The following TXNRD2 variants were observed in gnomAD, a reference collection of about 807,000 sequenced individuals.
The protein encoded by TXNRD2 is thioredoxin reductase 2, mitochondrial.
TXNRD2 carries 67 observed loss-of-function variants against 70.8 expected under a neutral mutation model. The observed-to-expected ratio is 0.95, with a 90% CI of 0.78 to 1.16. TXNRD2 has a LOEUF of 1.16. TXNRD2 is among the 50% of genes most tolerant of loss of function. TXNRD2 has a pLI of 0.00. For synonymous variants in TXNRD2, 301 were observed against 295.8 expected, an observed-to-expected ratio of 1.02 and a Z score of -0.18; for missense variants, 644 against 719.9, an observed-to-expected ratio of 0.89 and a Z score of 1.21.
intron 8 of TXNRD2, among the ~76,000 whole-genome samples, chr22:19,907,329 T>G (rs1940092014): frequency 3.5e-5 from 1 of 28,186 alleles, no homozygotes; most frequent in Non-Finnish European, 6.9e-5. Flanking sequence ...CAGGAGAGTG[T>G]GGGCACCGTA....
intron 10 of TXNRD2, among the ~76,000 whole-genome samples, chr22:19,896,122 ACT>A (rs1939495179): frequency 6.6e-6 from 1 of 152,034 alleles, no homozygotes; most frequent in East Asian, 1.9e-4. Context: ...ACGGTGAAAC[ACT>A]GTCTCTACTA....
chr22:19,903,872 C>T (rs9605027), intron 8 of TXNRD2, among the ~76,000 whole-genome samples: 44,931 of 152,146 alleles, frequency 0.3, 7,294 homozygotes, highest in East Asian at 0.65. Context: ...CGTGCCCCTC[C>T]GCACCCCTGC....
chr22:19,938,907 T>C (rs1941613689), intron 1 of TXNRD2, among the ~76,000 whole-genome samples: 1 of 152,216 alleles, frequency 6.6e-6, no homozygotes, highest in African/African-American at 2.4e-5. Flanking sequence ...ATATTTAGCA[T>C]TGTTTAAGCT....
At chr22:19,909,481 G>A (rs1433341975) in intron 8 of TXNRD2, among the ~76,000 whole-genome samples, 1 of 150,516 alleles carries the variant, frequency 6.6e-6, no homozygotes, top group Non-Finnish European at 1.5e-5. Flanking sequence ...ATGACAAGCA[G>A]AGCATGTGAC....
chr22:19,912,410 G>A (rs1346189533), intron 7 of TXNRD2, among the ~76,000 whole-genome samples: 2 of 152,012 alleles, frequency 1.3e-5, no homozygotes, highest in Non-Finnish European at 1.5e-5. Flanking sequence ...AGGACCAGGA[G>A]CGCCTGCTGG....
intron 2 of TXNRD2, among the ~76,000 whole-genome samples, chr22:19,923,688 G>A (rs1941004664): frequency 6.6e-6 from 1 of 152,006 alleles, no homozygotes; most frequent in African/African-American, 2.4e-5. Context: ...TGTAATCCCA[G>A]CTACTCGGGA....
At chr22:19,913,042 AC>A (rs1358159179) in intron 7 of TXNRD2, among the ~76,000 whole-genome samples, 1 of 151,922 alleles carries the variant, frequency 6.6e-6, no homozygotes, top group East Asian at 1.9e-4. Context: ...TCCCTGGGAG[AC>A]CCGTGGGGAC....
intron 13 of TXNRD2, 146 bp downstream of exon 13, chr22:19,880,476 G>A (rs1938717309): frequency 2.3e-6 from 2 of 885,976 alleles, no homozygotes; most frequent in Non-Finnish European, 3.7e-6. Flanking sequence ...ACACACGTGT[G>A]TACAACACAC....
chr22:19,899,211 G>A (rs1267216602), intron 8 of TXNRD2, 143 bp from the exon 9 acceptor site: 1 of 1,064,222 alleles, frequency 9.4e-7, no homozygotes, highest in Non-Finnish European at 1.4e-6. Context: ...GCTTGCCCCA[G>A]GGGACAAAGC....
chr22:19,882,380 T>C (rs896713482), intron 12 of TXNRD2, among the ~76,000 whole-genome samples: 1 of 152,144 alleles, frequency 6.6e-6, no homozygotes, highest in East Asian at 1.9e-4. Context: ...TGTATTTTTT[T>C]AGTAGAGACG....
At chr22:19,931,927 A>G (rs1406941889) in intron 1 of TXNRD2, among the ~76,000 whole-genome samples, 1 of 151,988 alleles carries the variant, frequency 6.6e-6, no homozygotes. Flanking sequence ...TTTGGAGGCC[A>G]AGGCGGGTGG....
At chr22:19,931,237 C>T in intron 1 of TXNRD2, 139 bp from the exon 2 acceptor site, 1 of 787,116 alleles carries the variant, frequency 1.3e-6, no homozygotes, top group South Asian at 1.4e-5. Context: ...GAAAGAGTGA[C>T]TCGATACACA....
Position 19,941,725 on chromosome 22 carries a change from G to A in TXNRD2, c.79C>T (p.Arg27Trp). 1.3e-6 allele frequency: 2 copies of A among 1,486,492 alleles called. No individual in the cohort carries two copies. Among genetic ancestry groups the A allele is most frequent in the Admixed American group, 2.2e-5 (1 of 44,696 alleles). The allele number at this position is 1,486,492 out of a possible 1,614,324, so 92.1% of individuals were successfully genotyped here. A position where few individuals can be genotyped will look rare whatever the true frequency, so the allele number is the denominator to read the frequency against. Residue 27 changes from arginine (R) to tryptophan (W), a missense_variant, in exon 1 of 18, where the codon CGG becomes TGG. By Grantham distance (101) the Arg-to-Trp change is moderately radical (BLOSUM62 -3). This residue lies in a region of TXNRD2 where 71 missense variants were observed against 53.6 expected (regional missense o/e 1.33). Transcript: ENST00000400521. ...WRTQAVAGGV[R>W]GAARGAAAGQ... is the part of the protein sequence containing the mutation. ...CCTGCTGCGCCCCGCGCCGCGCCCCGCACCCCGCCCGCCACGGCCTGCGTC... is the reference window on the plus strand; with the variant it reads ...CCTGCTGCGCCCCGCGCCGCGCCCCACACCCCGCCCGCCACGGCCTGCGTC...
At chr22:19,878,315 T>G (rs1315792283) in intron 15 of TXNRD2, 51 bp downstream of exon 15, 2 of 1,607,632 alleles carry the variant, frequency 1.2e-6, no homozygotes, top group Non-Finnish European at 1.7e-6. Context: ...TGCCAGGCTC[T>G]TTGCCACCCT....
At chr22:19,920,603 A>G (rs5025330) in intron 2 of TXNRD2, among the ~76,000 whole-genome samples, 58,199 of 151,294 alleles carry the variant, frequency 0.38, 12,095 homozygotes, top group African/African-American at 0.52. Flanking sequence ...GAAAGAAAAA[A>G]AAAAAAAAAC....
chr22:19,932,361 G>A (rs765148454), intron 1 of TXNRD2: 2 of 1,612,518 alleles, frequency 1.2e-6, no homozygotes, highest in Non-Finnish European at 1.7e-6. Flanking sequence ...CCTCACCTTG[G>A]TCCTCCATGG....
At chr22:19,904,058 C>G (rs146032841) in intron 8 of TXNRD2, among the ~76,000 whole-genome samples, 1 of 152,200 alleles carries the variant, frequency 6.6e-6, no homozygotes, top group African/African-American at 2.4e-5. Context: ...ATGGCAGAGG[C>G]GGAGCAGGAG....
intron 11 of TXNRD2, among the ~76,000 whole-genome samples, chr22:19,888,345 G>A (rs1347357040): frequency 6.6e-6 from 1 of 152,196 alleles, no homozygotes; most frequent in Non-Finnish European, 1.5e-5. Flanking sequence ...AGAGAAGGCT[G>A]AAGCCCAAAA....
intron 9 of TXNRD2, among the ~76,000 whole-genome samples, chr22:19,898,692 C>T (rs1939633713): frequency 6.6e-6 from 1 of 152,064 alleles, no homozygotes; most frequent in South Asian, 2.1e-4. Context: ...GGACTTTCAT[C>T]TCCCTCAGAT....
Sources: allele counts gnomAD v4.1 joint callset (sites outside exome capture counted in the v4.1 genomes callset), GRCh38; gene constraint gnomAD v4.1.1; regional missense constraint gnomAD v4.1.1; transcripts MANE v1.5; gene names NCBI Gene and HGNC (gene_info 2026-07-23, HGNC 2026-07-21).